The following PPP2R2B variants were observed in gnomAD, a reference collection of about 807,000 sequenced individuals.
The protein encoded by PPP2R2B is protein phosphatase 2 regulatory subunit Bbeta, also known as serine/threonine-protein phosphatase 2A 55 kDa regulatory subunit B beta isoform.
A neutral mutation model predicts 46.0 loss-of-function variants in PPP2R2B; 5 were observed. The ratio of observed to expected loss-of-function variants is 0.11; its 90% CI spans 0.06 to 0.23. The LOEUF is 0.23. PPP2R2B is among the 10% of genes least tolerant of loss of function. PPP2R2B has a pLI of 1.00. For synonymous variants in PPP2R2B, 215 were observed against 206.7 expected, an observed-to-expected ratio of 1.04 and a Z score of -0.34; for missense variants, 367 against 575.0, an observed-to-expected ratio of 0.64 and a Z score of 3.70.
At chr5:146,979,243 A>G (rs1049101089) in intron 1 of PPP2R2B, among the ~76,000 whole-genome samples, 2 of 152,016 alleles carry the variant, frequency 1.3e-5, no homozygotes, top group African/African-American at 4.8e-5. Flanking sequence ...GTTCATTTAC[A>G]TTTCTGAGAA....
rs1770280813 is a variant in PPP2R2B, at chr5:146,588,432, C to T, written c.*1515G>A. The T allele has an allele frequency of 6.6e-6, 1 of 152,180 alleles. No individual in the cohort carries two copies. Among genetic ancestry groups the T allele is most frequent in the African/African-American group, 2.4e-5 (1 of 41,436 alleles). The allele number at this position is 152,180 out of a possible 1,614,324, so 9.4% of individuals were successfully genotyped here. Reference sequence around the variant, plus strand: ...TCAGGACTTCTAATACATCTGTAAACTGAAAGAAAATTTCCCTTTCATTGA... The same window carrying T: ...TCAGGACTTCTAATACATCTGTAAATTGAAAGAAAATTTCCCTTTCATTGA... On this transcript the variant is annotated 3_prime_UTR_variant, in exon 10 of 10. Coordinates refer to ENST00000394411, the MANE Select transcript of PPP2R2B (RefSeq NM_181675.4).
chr5:146,833,895 G>A (rs1488911774), intron 2 of PPP2R2B, among the ~76,000 whole-genome samples: 1 of 152,064 alleles, frequency 6.6e-6, no homozygotes, highest in Non-Finnish European at 1.5e-5. Context: ...ACATAACACT[G>A]CAGGGAAATT....
chr5:146,928,193 C>T (rs558446275), intron 1 of PPP2R2B, among the ~76,000 whole-genome samples: 4 of 152,208 alleles, frequency 2.6e-5, no homozygotes, highest in East Asian at 1.9e-4. Flanking sequence ...TCTTCTGAAC[C>T]TTTGCACTTA....
intron 2 of PPP2R2B, among the ~76,000 whole-genome samples, chr5:146,769,677 A>G (rs913996062): frequency 7.2e-5 from 11 of 152,188 alleles, no homozygotes; most frequent in Non-Finnish European, 2.9e-5. Flanking sequence ...CACCTTACCA[A>G]TATTTCTTTC....
At chr5:146,655,227 A>G (rs1776244607) in intron 5 of PPP2R2B, among the ~76,000 whole-genome samples, 2 of 152,200 alleles carry the variant, frequency 1.3e-5, no homozygotes, top group African/African-American at 4.8e-5. Context: ...ACCCAGTATT[A>G]TATTAGAATA....
chr5:146,724,895 G>A (rs1751760679), intron 2 of PPP2R2B, among the ~76,000 whole-genome samples: 1 of 152,126 alleles, frequency 6.6e-6, no homozygotes, highest in South Asian at 2.1e-4. Context: ...TTAAGAGGAT[G>A]ATTGACAGTT....
intron 1 of PPP2R2B, among the ~76,000 whole-genome samples, chr5:147,041,849 T>A (rs1363588588): frequency 6.6e-6 from 1 of 152,194 alleles, no homozygotes; most frequent in Non-Finnish European, 1.5e-5. Context: ...AACCTTGTTT[T>A]TACTAACGCT....
chr5:146,912,238 CAAAAAAA>C (rs35127306), intron 1 of PPP2R2B, among the ~76,000 whole-genome samples: 2 of 56,586 alleles, frequency 3.5e-5, no homozygotes, highest in South Asian at 9.2e-4. Context: ...GGCTCCGTCT[CAAAAAAA>C]AAAAAAAAAA....
At chr5:146,707,428 C>T in intron 2 of PPP2R2B, 4 of 771,960 alleles carry the variant, frequency 5.2e-6, no homozygotes, top group Non-Finnish European at 9.6e-6. Context: ...GGCAGTGATG[C>T]CTCCCATGCC....
chr5:146,642,878 G>A (rs774865287), intron 6 of PPP2R2B, among the ~76,000 whole-genome samples: 28 of 152,164 alleles, frequency 1.8e-4, no homozygotes, highest in Admixed American at 6.5e-5. Flanking sequence ...GCAACGTGGT[G>A]AAACCCTATC....
rs183217006 is a variant in PPP2R2B, at chr5:146,782,000, G to A, written c.71-80858C>T. Among the ~76,000 whole-genome samples, 41 of 152,252 alleles carry A rather than the reference G, an allele frequency of 2.7e-4. 1 individual carries two copies. The East Asian group carries it at 5.4e-3, about 20-fold the overall frequency. ...GTTTAACACCATTTCCCTTGGTACT[G>A]TTGTCACGATAATAAGCTCTTTTGA... On this transcript the variant is annotated intron_variant, in intron 2 of 9. Coordinates refer to ENST00000394411, the MANE Select transcript of PPP2R2B (RefSeq NM_181675.4).
At chr5:146,876,831 G>T (rs1342006717) in intron 2 of PPP2R2B, among the ~76,000 whole-genome samples, 1 of 152,150 alleles carries the variant, frequency 6.6e-6, no homozygotes, top group African/African-American at 2.4e-5. Flanking sequence ...GTTTATAGAA[G>T]ATGCCACCTT....
intron 2 of PPP2R2B, among the ~76,000 whole-genome samples, chr5:147,076,236 G>A (rs902633187): frequency 6.6e-6 from 1 of 152,004 alleles, no homozygotes; most frequent in Non-Finnish European, 1.5e-5. Flanking sequence ...CTTATTGTAT[G>A]AAAGATGATC....
rs562264716 is a variant in PPP2R2B at position 146,976,010 on chromosome 5, T to C, written c.79+79655A>G. Reference sequence around the variant, plus strand: ...CAATTTGTCTACTTTTATTTTTGTTTCCTGTGCCTGGTATCATATCCAAGA... The same window carrying C: ...CAATTTGTCTACTTTTATTTTTGTTCCCTGTGCCTGGTATCATATCCAAGA... On this transcript the variant is annotated intron_variant, in intron 1 of 8. Transcript: ENST00000336640. Among the ~76,000 whole-genome samples the C allele has an allele frequency of 2.0e-5, 3 of 151,952 alleles. No homozygotes were observed. In the South Asian group the frequency reaches 6.2e-4, roughly 32 times the overall value.
At chr5:146,690,351 A>G (rs898442930) in intron 5 of PPP2R2B, among the ~76,000 whole-genome samples, 15 of 152,254 alleles carry the variant, frequency 9.9e-5, no homozygotes, top group Non-Finnish European at 1.8e-4. Context: ...CTTTCCTATG[A>G]GAACTTTTCT....
At chr5:147,068,582 G>A (rs1181801534) in intron 2 of PPP2R2B, among the ~76,000 whole-genome samples, 1 of 152,100 alleles carries the variant, frequency 6.6e-6, no homozygotes, top group East Asian at 1.9e-4. Context: ...CTATTAAATA[G>A]CAATATTTTT....
intron 2 of PPP2R2B, among the ~76,000 whole-genome samples, chr5:146,865,502 C>T (rs1761260143): frequency 6.6e-6 from 1 of 152,154 alleles, no homozygotes; most frequent in Admixed American, 6.5e-5. Context: ...GTTTCATATT[C>T]ATATTCACGT....
At chr5:146,937,361 G>A (rs1282789777) in intron 1 of PPP2R2B, among the ~76,000 whole-genome samples, 2 of 151,888 alleles carry the variant, frequency 1.3e-5, no homozygotes. Flanking sequence ...GTAGTAAGTG[G>A]CAGAGCTGGG....
At chr5:146,933,600 C>T (rs1207791032) in intron 1 of PPP2R2B, among the ~76,000 whole-genome samples, 2 of 152,034 alleles carry the variant, frequency 1.3e-5, no homozygotes, top group East Asian at 3.9e-4. Context: ...ACCAAGCTTC[C>T]AGAGAGAAGC....
Sources: gnomAD v4.1 joint callset for allele counts (sites outside exome capture counted in the v4.1 genomes callset) on GRCh38, gnomAD v4.1.1 for gene constraint, MANE v1.5 for transcripts, NCBI Gene and HGNC (gene_info 2026-07-23, HGNC 2026-07-21) for gene names.